The following FIZ1 variants were observed in gnomAD, a reference collection of about 807,000 sequenced individuals.
FIZ1 encodes the protein flt3-interacting zinc finger protein 1.
In FIZ1, 2 loss-of-function variants were observed where a neutral mutation model predicts 5.3. The observed-to-expected ratio is 0.37, with a 90% CI of 0.15 to 1.18. The LOEUF (loss-of-function observed/expected upper bound fraction) is 1.18. Ranked by LOEUF, FIZ1 falls within the 50% of genes most tolerant of loss-of-function variation. The pLI, the probability that FIZ1 is intolerant of heterozygous loss-of-function variation, is 0.37. For synonymous variants in FIZ1, 407 were observed against 364.2 expected (o/e 1.12, Z -1.34); for missense variants, 631 against 749.7 (o/e 0.84, Z 1.85).
intron 1 of FIZ1, chr19:55,598,170 G>C (rs970091816): frequency 4.5e-6 from 2 of 443,626 alleles, no homozygotes; most frequent in African/African-American, 3.9e-5. Flanking sequence ...CTTCGCCAAT[G>C]CGCGGCCACT....
chr19:55,597,321 G>A (rs1980372941), intron 2 of FIZ1, among the ~76,000 whole-genome samples: 1 of 152,238 alleles, frequency 6.6e-6, no homozygotes, highest in Non-Finnish European at 1.5e-5. Context: ...GATGGGGCGG[G>A]CAGGAGCCTA....
intron 1 of FIZ1, 141 bp downstream of exon 1, chr19:55,599,333 G>A (rs1024734365): frequency 2.0e-5 from 3 of 152,470 alleles, no homozygotes; most frequent in African/African-American, 7.2e-5. Flanking sequence ...GTGCAGCCCT[G>A]GGCGCCCGGT....
chr19:55,596,961 G>A (rs1016833978), intron 2 of FIZ1, among the ~76,000 whole-genome samples: 1 of 152,190 alleles, frequency 6.6e-6, no homozygotes, highest in Non-Finnish European at 1.5e-5. Flanking sequence ...GTGAGCCACT[G>A]CGCCTGGCCA....
rs1329548369 is a variant in FIZ1 at position 55,593,806 on chromosome 19, G to C, written c.295-160C>G. Among the ~76,000 whole-genome samples, 1 of 152,144 alleles carries C rather than the reference G, an allele frequency of 6.6e-6. No individual in the cohort carries two copies. Among genetic ancestry groups the C allele is most frequent in the Non-Finnish European group, 1.5e-5 (1 of 68,030 alleles). On this transcript the variant is annotated intron_variant, in intron 2 of 2. Coordinates refer to ENST00000221665, the MANE Select transcript of FIZ1 (RefSeq NM_032836.3). This position sits in a 1 kb window ranked among gnomAD's most constrained non-coding sequence, Gnocchi z 6.3. ...CCTATCACTCTCTGTTTGGGGTCACGGTAGATTCTTTCGGTCCTTAAAAAG... is the reference window on the plus strand; with the variant it reads ...CCTATCACTCTCTGTTTGGGGTCACCGTAGATTCTTTCGGTCCTTAAAAAG...
chr19:55,598,679 T>C (rs1980458214), intron 1 of FIZ1: 2 of 152,214 alleles, frequency 1.3e-5, no homozygotes, highest in Non-Finnish European at 2.9e-5. Flanking sequence ...TCTAAGCCCC[T>C]CTCGGGTCCA....
chr19:55,592,312 G>C lies in FIZ1; in HGVS notation c.*138C>G, dbSNP rs1568514631. On this transcript the variant is annotated 3_prime_UTR_variant, in exon 3 of 3. Transcript: ENST00000221665. This position sits in a 1 kb window ranked among gnomAD's most constrained non-coding sequence, Gnocchi z 6.9. ...GTTTTTGGTGGCCCCCACCTCTCCA[G>C]TCAGGGTCCCCTCATTTCAGGGCCT... 4.3e-6 allele frequency: 4 copies of C among 938,158 alleles called. No individual in the cohort carries two copies. The highest frequency in any genetic ancestry group is 4.6e-6 in the Non-Finnish European group (3 of 651,916). The allele number at this position is 938,158 out of a possible 1,614,324, so 58.1% of individuals were successfully genotyped here.
intron 2 of FIZ1, among the ~76,000 whole-genome samples, chr19:55,594,654 G>A (rs937794696): frequency 1.3e-4 from 17 of 131,960 alleles, no homozygotes; most frequent in African/African-American, 4.8e-4. Flanking sequence ...CCGAGATCGC[G>A]CCACTGCACT....
At chr19:55,598,002 C>T (rs1241323184) in intron 1 of FIZ1, 101 bp from the exon 2 acceptor site, 5 of 1,262,324 alleles carry the variant, frequency 4.0e-6, no homozygotes, top group Non-Finnish European at 5.3e-6. Context: ...CTGGGAGACC[C>T]TCCCACTGCC....
In FIZ1 at chr19:55,593,435, C is replaced by T. The variant is rs1327822271; in HGVS notation, c.506G>A (p.Gly169Asp). ...TGCCCCCTCGGGGCCCTCTCCGCCGCCGGCCCCTGAGCCCCCGCACACCGA... is the reference window on the plus strand; with the variant it reads ...TGCCCCCTCGGGGCCCTCTCCGCCGTCGGCCCCTGAGCCCCCGCACACCGA... ...PCSVCGGSGAGGGEGPEGAGA... is the reference protein window; with the variant it reads ...PCSVCGGSGADGGEGPEGAGA... Residue 169 changes from glycine (G) to aspartate (D), a missense_variant, in exon 3 of 3, where the codon GGC (glycine) becomes GAC (aspartate). Around this residue, in one of 4 missense-constraint regions of FIZ1, gnomAD observed 463 missense variants for 455.1 expected, o/e 1.02. Transcript: ENST00000221665. This position sits in a 1 kb window ranked among gnomAD's most constrained non-coding sequence, Gnocchi z 6.3. The T allele has an allele frequency of 5.2e-6, 8 of 1,530,808 alleles. No individual in the cohort carries two copies. Among genetic ancestry groups the T allele is most frequent in the African/African-American group, 1.4e-5 (1 of 71,464 alleles). The allele number at this position is 1,530,808 out of a possible 1,614,324, so 94.8% of individuals were successfully genotyped here. A position where few individuals can be genotyped will look rare whatever the true frequency, so the allele number is the denominator to read the frequency against.
chr19:55,593,405 G>A lies in FIZ1; in HGVS notation c.536C>T (p.Ala179Val), dbSNP rs777883921. The change falls in exon 3 of 3, where the codon GCG (alanine) becomes GTG (valine). Residue 179 changes from alanine (A) to valine (V), a missense_variant. Around this residue, in one of 4 missense-constraint regions of FIZ1, gnomAD observed 463 missense variants for 455.1 expected, o/e 1.02. Coordinates refer to ENST00000221665, the MANE Select transcript of FIZ1 (RefSeq NM_032836.3). This position sits in a 1 kb window ranked among gnomAD's most constrained non-coding sequence, Gnocchi z 6.3. ...GGGEGPEGAGAGLGSWGLAEA... is the reference protein window; with the variant it reads ...GGGEGPEGAGVGLGSWGLAEA... ...TGCCAGCCCCCAGCTGCCCAGACCC[G>A]CGCCTGCCCCCTCGGGGCCCTCTCC... 1.0e-5 allele frequency: 15 copies of A among 1,458,406 alleles called. No homozygotes were observed. The highest frequency in any genetic ancestry group is 1.3e-5 in the Non-Finnish European group (15 of 1,114,350). 90.3% of individuals were successfully genotyped at this position (1,458,406 alleles called of 1,614,324 possible). A position where few individuals can be genotyped will look rare whatever the true frequency, so the allele number is the denominator to read the frequency against.
chr19:55,597,826 G>C lies in FIZ1; in HGVS notation c.40C>G (p.Pro14Ala). 6.2e-7 allele frequency: 1 copy of C among 1,611,222 alleles called. No individual in the cohort carries two copies. The highest frequency in any genetic ancestry group is 1.3e-5 in the African/African-American group (1 of 74,966). Residue 14 changes from proline (P) to alanine (A), a missense_variant, in exon 2 of 3, where the codon CCC becomes GCC. Coordinates refer to ENST00000221665, the MANE Select transcript of FIZ1 (RefSeq NM_032836.3). ...VPAPTPAPAP[P>A]AAAAPRVPFH... ...GGGACCCTGGGGGCGGCAGCGGCGG[G>C]CGGTGCTGGTGCAGGGGTTGGGGCG...
At position 55,592,288 on chromosome 19, in the gene FIZ1, T is replaced by G. The variant is rs1383306413; in HGVS notation, c.*162A>C. 7 of 756,676 alleles carry G rather than the reference T, an allele frequency of 9.3e-6. No individual in the cohort carries two copies. Among genetic ancestry groups the G allele is most frequent in the Admixed American group, 3.3e-5 (1 of 30,306 alleles). The allele number at this position is 756,676 out of a possible 1,614,324, so 46.9% of individuals were successfully genotyped here. ...CCCCCAGCTCCGGGGCCTTTGTGGG[T>G]TTTTGGTGGCCCCCACCTCTCCAGT... On this transcript the variant is annotated 3_prime_UTR_variant, in exon 3 of 3. Coordinates refer to ENST00000221665, the MANE Select transcript of FIZ1 (RefSeq NM_032836.3). The surrounding 1 kb of genome is among the most constrained non-coding windows in gnomAD (Gnocchi z 6.9).
chr19:55,592,919 G>A lies in FIZ1; in HGVS notation c.1022C>T (p.Ser341Leu). 3.2e-6 allele frequency: 5 copies of A among 1,550,894 alleles called. No homozygotes were observed. The highest frequency in any genetic ancestry group is 3.5e-6 in the Non-Finnish European group (4 of 1,156,406). ...YQCDCGTFFA[S>L]AAALASHLEA... ...CAGGTGACTGGCCAGGGCCGCGGCC[G>A]ACGCAAAGAAGGTCCCGCAGTCGCA... Residue 341 changes from serine (S) to leucine (L), a missense_variant, in exon 3 of 3, where the codon TCG becomes TTG. Transcript: ENST00000221665. The surrounding 1 kb of genome is among the most constrained non-coding windows in gnomAD (Gnocchi z 6.9).
Position 55,592,537 on chromosome 19 carries a change from C to A in FIZ1, c.1404G>T (p.Arg468=). Residue 468 remains arginine (R), a synonymous_variant, in exon 3 of 3, where the codon CGG becomes CGT. Coordinates refer to ENST00000221665, the MANE Select transcript of FIZ1 (RefSeq NM_032836.3). The surrounding 1 kb of genome is among the most constrained non-coding windows in gnomAD (Gnocchi z 6.9). ...TGCCGCAGATGTGGCAAGGGAAGGG[C>A]CGCTCGGTGCCGTGCAGCAGCCGGT... ...KRHRLLHGTE[R]PFPCHICGKG... 3 of 1,607,320 alleles carry A rather than the reference C, an allele frequency of 1.9e-6. No homozygotes were observed. Among genetic ancestry groups the A allele is most frequent in the South Asian group, 1.1e-5 (1 of 90,162 alleles).
At chr19:55,594,067 G>A (rs747628863) in intron 2 of FIZ1, among the ~76,000 whole-genome samples, 2 of 151,830 alleles carry the variant, frequency 1.3e-5, no homozygotes, top group Non-Finnish European at 2.9e-5. Flanking sequence ...CAGCCTGCAT[G>A]ACAGGGTGAG....
intron 2 of FIZ1, among the ~76,000 whole-genome samples, chr19:55,594,159 T>A (rs886314688): frequency 1.4e-5 from 2 of 144,152 alleles, no homozygotes; most frequent in Non-Finnish European, 3.0e-5. Flanking sequence ...GAGGCTGAAG[T>A]GGGTGGATCA....
intron 2 of FIZ1, among the ~76,000 whole-genome samples, chr19:55,595,070 T>C (rs531369926): frequency 3.0e-4 from 46 of 152,320 alleles, no homozygotes; most frequent in African/African-American, 1.1e-3. Context: ...AGAGAGGTTT[T>C]TTGTATTGAT....
At chr19:55,598,036 G>A (rs1474623506) in intron 1 of FIZ1, 135 bp from the exon 2 acceptor site, 1 of 1,047,702 alleles carries the variant, frequency 9.5e-7, no homozygotes, top group Non-Finnish European at 1.3e-6. Context: ...CACTCTCATT[G>A]TTCTTTAAAA....
At chr19:55,597,530 CTG>C in intron 2 of FIZ1, 40 bp downstream of exon 2, 1 of 1,585,394 alleles carries the variant, frequency 6.3e-7, no homozygotes, top group Non-Finnish European at 8.6e-7. Flanking sequence ...CACCGTAGTC[CTG>C]ACCAGGGAGG....
Sources: gnomAD v4.1 joint callset for allele counts (sites outside exome capture counted in the v4.1 genomes callset) on GRCh38, gnomAD v4.1.1 for gene constraint, gnomAD v4.1.1 regional missense constraint, Gnocchi (gnomAD v3.1) non-coding constraint, MANE v1.5 for transcripts, NCBI Gene and HGNC (gene_info 2026-07-23, HGNC 2026-07-21) for gene names.